Variants in NEXN observed in about 807,000 individuals in gnomAD.
NEXN encodes nexilin.
Under a neutral mutation model 92.6 loss-of-function variants are expected in NEXN, and 65 were observed. That is an observed-to-expected ratio of 0.70 (90% CI 0.57 to 0.86). NEXN has a LOEUF of 0.86. NEXN is among the 40% of genes least tolerant of loss of function. The pLI is 0.00. For synonymous variants in NEXN, 254 were observed against 242.5 expected (o/e 1.05, Z -0.44); for missense variants, 778 against 771.1 (o/e 1.01, Z -0.11).
chr1:77,940,354 G>T (rs1571167957), intron 11 of NEXN, among the ~76,000 whole-genome samples: 3 of 152,138 alleles, frequency 2.0e-5, no homozygotes, highest in Admixed American at 2.0e-4. Flanking sequence ...TATAAAGAAT[G>T]TACCTACAGA....
At chr1:77,897,661 G>C (rs558596774) in intron 1 of NEXN, among the ~76,000 whole-genome samples, 4,102 of 152,170 alleles carry the variant, frequency 0.027, 93 homozygotes, top group South Asian at 0.11. Flanking sequence ...TCTGGCCAGG[G>C]CAATTAGGCA....
intron 1 of NEXN, among the ~76,000 whole-genome samples, chr1:77,903,673 G>A (rs1647889157): frequency 6.6e-6 from 1 of 152,202 alleles, no homozygotes; most frequent in South Asian, 2.1e-4. Flanking sequence ...TTATAGACTG[G>A]TAACTGAAAT....
At chr1:77,921,938 A>T (rs1649453907) in intron 5 of NEXN, among the ~76,000 whole-genome samples, 1 of 151,794 alleles carries the variant, frequency 6.6e-6, no homozygotes, top group Non-Finnish European at 1.5e-5. Context: ...CTACCAAAAA[A>T]GTCTTTTTTT....
At chr1:77,940,639 G>A (rs1651186349) in intron 11 of NEXN, among the ~76,000 whole-genome samples, 2 of 152,154 alleles carry the variant, frequency 1.3e-5, no homozygotes, top group African/African-American at 4.8e-5. Context: ...TGTACCTGCT[G>A]AAATATTCCA....
At chr1:77,930,389 G>A (rs1043439048) in intron 9 of NEXN, among the ~76,000 whole-genome samples, 19 of 151,970 alleles carry the variant, frequency 1.3e-4, no homozygotes, top group African/African-American at 3.6e-4. Context: ...CATTTTCACC[G>A]CCACTACTAT....
At chr1:77,940,499 T>A (rs1651173279) in intron 11 of NEXN, among the ~76,000 whole-genome samples, 1 of 152,172 alleles carries the variant, frequency 6.6e-6, no homozygotes, top group Admixed American at 6.5e-5. Context: ...AGAGAAATTA[T>A]TTTACTTACT....
chr1:77,906,487 T>C (rs1396990431), intron 1 of NEXN, among the ~76,000 whole-genome samples: 2 of 152,162 alleles, frequency 1.3e-5, no homozygotes, highest in Non-Finnish European at 2.9e-5. Context: ...ACAAAGGTTA[T>C]TAAGCGCAAA....
In NEXN at chr1:77,935,990, AAGG is replaced by A; in HGVS notation, c.1422_1424del (p.Arg475del). On this transcript the variant is annotated inframe_deletion, in exon 11 of 13. Transcript: ENST00000334785. ...AAAAAATAGAAGAAGAGCGAGCAAG[AAGG>A]AGAGCAATTGACCTTGAAATTAAAG... 1 of 1,614,008 alleles carries A rather than the reference AAGG, an allele frequency of 6.2e-7. No homozygotes were observed. Among genetic ancestry groups the A allele is most frequent in the African/African-American group, 1.3e-5 (1 of 75,050 alleles).
intron 11 of NEXN, among the ~76,000 whole-genome samples, chr1:77,938,546 G>A (rs1017140730): frequency 6.7e-6 from 1 of 148,598 alleles, no homozygotes; most frequent in Non-Finnish European, 1.5e-5. Context: ...CTACTCAGGA[G>A]GCTGAGACTG....
chr1:77,942,364 T>C, intron 12 of NEXN, 97 bp from the exon 13 acceptor site: 1 of 1,452,058 alleles, frequency 6.9e-7, no homozygotes, highest in African/African-American at 1.4e-5. Context: ...TTGTATGTTC[T>C]TTACTTAAAA....
At chr1:77,913,447 A>G (rs1648738593) in intron 1 of NEXN, among the ~76,000 whole-genome samples, 1 of 152,046 alleles carries the variant, frequency 6.6e-6, no homozygotes, top group East Asian at 1.9e-4. Flanking sequence ...CAAAGATCTT[A>G]GGAGACATCT....
At chr1:77,908,394 AT>A (rs34361411) in intron 1 of NEXN, among the ~76,000 whole-genome samples, 5,136 of 36,418 alleles carry the variant, frequency 0.14, 172 homozygotes, top group African/African-American at 0.21. Flanking sequence ...CCCTACCTCT[AT>A]TTTTTTTTTT....
chr1:77,938,004 C>A (rs1417856505), intron 11 of NEXN, among the ~76,000 whole-genome samples: 6 of 151,946 alleles, frequency 3.9e-5, no homozygotes, highest in Non-Finnish European at 7.4e-5. Flanking sequence ...ATGCAGGAGT[C>A]AAAACTGGCA....
chr1:77,912,311 TG>T (rs891118086), intron 1 of NEXN, among the ~76,000 whole-genome samples: 1 of 152,060 alleles, frequency 6.6e-6, no homozygotes. Context: ...ATGTATATAA[TG>T]GGGGGGACAT....
intron 1 of NEXN, among the ~76,000 whole-genome samples, chr1:77,915,175 T>C (rs1470787225): frequency 1.3e-5 from 2 of 151,682 alleles, no homozygotes; most frequent in East Asian, 3.9e-4. Flanking sequence ...GAGCTGGGCA[T>C]AGTGCTGCAT....
In NEXN at chr1:77,921,673, A is replaced by C. The variant is rs537337550; in HGVS notation, c.447+3400A>C. Reference sequence around the variant, plus strand: ...ACCTGTAATACCAGCACTTTGGGAGACCGAGGCAGGTGGACTGCTTGAGCT... The same window carrying C: ...ACCTGTAATACCAGCACTTTGGGAGCCCGAGGCAGGTGGACTGCTTGAGCT... On this transcript the variant is annotated intron_variant, in intron 5 of 12. Transcript: ENST00000334785. 3.9e-5 allele frequency among the ~76,000 whole-genome samples: 6 copies of C among 152,192 alleles called. No individual in the cohort carries two copies. The East Asian group carries it at 1.2e-3, about 30-fold the overall frequency.
At chr1:77,890,737 C>A (rs1458023364) in intron 1 of NEXN, among the ~76,000 whole-genome samples, 1 of 151,762 alleles carries the variant, frequency 6.6e-6, no homozygotes, top group Non-Finnish European at 1.5e-5. Context: ...CTTTGAAATA[C>A]CCTAAAAGAC....
chr1:77,925,628 T>C (rs1180157965), intron 6 of NEXN, among the ~76,000 whole-genome samples: 1 of 152,182 alleles, frequency 6.6e-6, no homozygotes, highest in Non-Finnish European at 1.5e-5. Context: ...GGTTTTTATA[T>C]AATAGTACAG....
intron 1 of NEXN, among the ~76,000 whole-genome samples, chr1:77,901,944 A>G (rs1426197974): frequency 6.6e-6 from 1 of 152,156 alleles, no homozygotes; most frequent in Non-Finnish European, 1.5e-5. Flanking sequence ...ATGTTACCTA[A>G]ATAAAGCCTT....
Sources: allele counts gnomAD v4.1 joint callset (sites outside exome capture counted in the v4.1 genomes callset), GRCh38; gene constraint gnomAD v4.1.1; transcripts MANE v1.5; gene names NCBI Gene and HGNC (gene_info 2026-07-23, HGNC 2026-07-21).